UPK3B: variants seen among roughly 807,000 people sequenced by gnomAD.
UPK3B encodes the protein uroplakin-3b.
UPK3B carries 21 observed loss-of-function variants against 27.6 expected under a neutral mutation model. The ratio of observed to expected loss-of-function variants is 0.76; its 90% CI spans 0.54 to 1.10. UPK3B has a LOEUF of 1.10. Among genes scored for constraint, UPK3B ranks in the 50% least tolerant of loss-of-function variants. The pLI is 0.00. For synonymous variants in UPK3B, 141 were observed against 162.3 expected (o/e 0.87, Z 1.00); for missense variants, 306 against 376.1 (o/e 0.81, Z 1.54).
intron 1 of UPK3B, 77 bp from the exon 2 acceptor site, chr7:76,510,826 C>G (rs1347247676): frequency 3.7e-6 from 6 of 1,602,788 alleles, no homozygotes; most frequent in African/African-American, 1.3e-5. Flanking sequence ...CGCCCGCCCC[C>G]CTCCGATTGG....
In UPK3B at chr7:76,515,288, G is replaced by A. The variant is rs1344488671; in HGVS notation, c.*84G>A. On this transcript the variant is annotated 3_prime_UTR_variant, in exon 6 of 6. Coordinates refer to ENST00000334348, the MANE Select transcript of UPK3B (RefSeq NM_001347684.2). The stretch of plus-strand genomic sequence containing the variant: ...TTTGTCCCAGCTCCTGCACCCACAG[G>A]CCCCCTCAGGGCTCCTTGCCTTTCC... 1.3e-6 allele frequency: 2 copies of A among 1,540,524 alleles called. No homozygotes were observed. Among genetic ancestry groups the A allele is most frequent in the Non-Finnish European group, 1.8e-6 (2 of 1,141,402 alleles).
At chr7:76,514,283 G>A (rs1391377130) in intron 5 of UPK3B, among the ~76,000 whole-genome samples, 1 of 152,174 alleles carries the variant, frequency 6.6e-6, no homozygotes, top group African/African-American at 2.4e-5. Flanking sequence ...TAGGATTACA[G>A]GTGTGAGCCA....
chr7:76,514,893 C>T, intron 5 of UPK3B, 152 bp from the exon 6 acceptor site: 2 of 1,064,544 alleles, frequency 1.9e-6, no homozygotes, highest in South Asian at 1.7e-5. Context: ...GTGACAGAGC[C>T]AGACTCCATC....
Position 76,513,181 on chromosome 7 carries a change from G to C in UPK3B, c.541+18G>C. Reference sequence around the variant, plus strand: ...CCACCAAGGTAGCGCTGGGCAGGAGGGGCGCTGCCCCCAGTGGACTCACGA... The same window carrying C: ...CCACCAAGGTAGCGCTGGGCAGGAGCGGCGCTGCCCCCAGTGGACTCACGA... On this transcript the variant is annotated intron_variant, in intron 4 of 5. Coordinates refer to ENST00000334348, the MANE Select transcript of UPK3B (RefSeq NM_001347684.2). 1 of 1,609,322 alleles carries C rather than the reference G, an allele frequency of 6.2e-7. No homozygotes were observed. Among genetic ancestry groups the C allele is most frequent in the Non-Finnish European group, 8.5e-7 (1 of 1,176,458 alleles).
At chr7:76,514,208 G>A (rs1299172515) in intron 5 of UPK3B, 132 bp downstream of exon 5, 3 of 1,413,460 alleles carry the variant, frequency 2.1e-6, no homozygotes, top group Non-Finnish European at 2.9e-6. Context: ...GACTTGCTAT[G>A]TTGCCCAGGC....
At position 76,516,372 on chromosome 7, in the gene UPK3B, G is replaced by A. The variant is rs1812723186; in HGVS notation, c.*1168G>A. 2 of 612,316 alleles carry A rather than the reference G, an allele frequency of 3.3e-6. 1 individual carries two copies. The highest frequency in any genetic ancestry group is 3.8e-6 in the Non-Finnish European group (2 of 530,054). 37.9% of individuals were successfully genotyped at this position (612,316 alleles called of 1,614,324 possible). ...GACTTGCCCGCTGCACTCTGTCCACGGCCGCTGCACACGCCCCCTTGGGCT... is the reference window on the plus strand; with the variant it reads ...GACTTGCCCGCTGCACTCTGTCCACAGCCGCTGCACACGCCCCCTTGGGCT... On this transcript the variant is annotated 3_prime_UTR_variant, in exon 6 of 6. Transcript: ENST00000334348.
At position 76,510,590 on chromosome 7, in the gene UPK3B, G is replaced by A; in HGVS notation, c.-63G>A. The A allele has an allele frequency of 7.3e-7, 1 of 1,369,776 alleles. No individual in the cohort carries two copies. Among genetic ancestry groups the A allele is most frequent in the Admixed American group, 2.9e-5 (1 of 34,678 alleles). The allele number at this position is 1,369,776 out of a possible 1,614,324, so 84.9% of individuals were successfully genotyped here. On this transcript the variant is annotated 5_prime_UTR_variant, in exon 1 of 6. Transcript: ENST00000334348. ...AGCTTCTCCAGGGCCAAGCTGTTGG[G>A]GGTGAGGTGCAGCCCGAAGCAGCCA...
In UPK3B at chr7:76,511,803, G is replaced by A. The variant is rs1486254712; in HGVS notation, c.382G>A (p.Val128Met). 45 of 1,552,806 alleles carry A rather than the reference G, an allele frequency of 2.9e-5. No individual in the cohort carries two copies. Among genetic ancestry groups the A allele is most frequent in the South Asian group, 4.7e-5 (4 of 85,050 alleles). Reference sequence around the variant, plus strand: ...CATGGCGGGCAGCGGAGGCGCCCCCGTGCTGCGGGTGGGCCATGACCACGG... The same window carrying A: ...CATGGCGGGCAGCGGAGGCGCCCCCATGCTGCGGGTGGGCCATGACCACGG... ...DPMAGSGGAP[V>M]LRVGHDHGCH... The change falls in exon 3 of 6, where the codon GTG (valine) becomes ATG (methionine). Residue 128 changes from valine to methionine, a missense_variant. Transcript: ENST00000334348.
intron 4 of UPK3B, among the ~76,000 whole-genome samples, chr7:76,513,508 C>T (rs1812613373): frequency 6.6e-6 from 1 of 152,048 alleles, no homozygotes; most frequent in Non-Finnish European, 1.5e-5. Flanking sequence ...GGGAGGCAGC[C>T]AGCTTGAGTT....
Position 76,515,822 on chromosome 7 carries a change from C to A in UPK3B, c.*618C>A. 18 of 611,614 alleles carry A rather than the reference C, an allele frequency of 2.9e-5. 4 individuals carry two copies. Among genetic ancestry groups the A allele is most frequent in the Non-Finnish European group, 3.4e-5 (18 of 530,058 alleles). 37.9% of individuals were successfully genotyped at this position (611,614 alleles called of 1,614,324 possible). A position where few individuals can be genotyped will look rare whatever the true frequency, so the allele number is the denominator to read the frequency against. On this transcript the variant is annotated 3_prime_UTR_variant, in exon 6 of 6. Transcript: ENST00000334348. The stretch of plus-strand genomic sequence containing the variant: ...TGGATGGCTCTAGCCCTTATCCACC[C>A]CCTCAAGCATTTATTAAGCATCTGC...
Position 76,513,934 on chromosome 7 carries a change from G to A in UPK3B, c.542-13G>A. Reference sequence around the variant, plus strand: ...CGAGGGGCAGCCCCTCTGAGCAGCTGGTGTGTGTGCAGGGAAGACCCCCGG... The same window carrying A: ...CGAGGGGCAGCCCCTCTGAGCAGCTAGTGTGTGTGCAGGGAAGACCCCCGG... On this transcript the variant is annotated splice_polypyrimidine_tract_variant and intron_variant, in intron 4 of 5. Coordinates refer to ENST00000334348, the MANE Select transcript of UPK3B (RefSeq NM_001347684.2). 1 of 1,613,830 alleles carries A rather than the reference G, an allele frequency of 6.2e-7. No individual in the cohort carries two copies. The highest frequency in any genetic ancestry group is 1.1e-5 in the South Asian group (1 of 91,084).
At position 76,515,418 on chromosome 7, in the gene UPK3B, C is replaced by T; in HGVS notation, c.*214C>T. The T allele has an allele frequency of 6.7e-7, 1 of 1,502,102 alleles. No individual in the cohort carries two copies. Among genetic ancestry groups the T allele is most frequent in the East Asian group, 2.5e-5 (1 of 40,456 alleles). 93.0% of individuals were successfully genotyped at this position (1,502,102 alleles called of 1,614,324 possible). ...TCCCTCTCCAAGCATCTGTAAGTTG[C>T]ACTCAGGAGGGTTTAGGGGAGGGCC... On this transcript the variant is annotated 3_prime_UTR_variant, in exon 6 of 6. Coordinates refer to ENST00000334348, the MANE Select transcript of UPK3B (RefSeq NM_001347684.2).
Position 76,513,969 on chromosome 7 carries a change from C to G in UPK3B, c.564C>G (p.Asp188Glu). ...LHQGKTPGSI[D>E]TWPGRRSGSM... ...CAGGGAAGACCCCCGGATCCATCGA[C>G]ACCTGGCCAGGGCGGCGAAGTGGCA... Residue 188 changes from aspartate (D) to glutamate (E), a missense_variant, in exon 5 of 6, where the codon GAC becomes GAG. By Grantham distance (45) the Asp-to-Glu change is conservative. Around this residue, in one of 4 missense-constraint regions of UPK3B, gnomAD observed 174 missense variants for 166.6 expected, o/e 1.04. Transcript: ENST00000334348. The G allele has an allele frequency of 6.2e-7, 1 of 1,613,882 alleles. No individual in the cohort carries two copies. The highest frequency in any genetic ancestry group is 2.2e-5 in the East Asian group (1 of 44,842).
At position 76,513,979 on chromosome 7, in the gene UPK3B, G is replaced by C; in HGVS notation, c.574G>C (p.Gly192Arg). The change falls in exon 5 of 6, where the codon GGG (glycine) becomes CGG (arginine). Residue 192 changes from glycine to arginine, a missense_variant. Gly to Arg is a moderately radical substitution (Grantham distance 125, BLOSUM62 -2). Coordinates refer to ENST00000334348, the MANE Select transcript of UPK3B (RefSeq NM_001347684.2). ...CCCCGGATCCATCGACACCTGGCCA[G>C]GGCGGCGAAGTGGCAGCATGATCGT... ...KTPGSIDTWPGRRSGSMIVIT... is the reference protein window; with the variant it reads ...KTPGSIDTWPRRRSGSMIVIT... 6.2e-7 allele frequency: 1 copy of C among 1,613,958 alleles called. No homozygotes were observed. Among genetic ancestry groups the C allele is most frequent in the African/African-American group, 1.3e-5 (1 of 74,956 alleles).
At chr7:76,513,817 G>A in intron 4 of UPK3B, 130 bp from the exon 5 acceptor site, 1 of 1,393,804 alleles carries the variant, frequency 7.2e-7, no homozygotes, top group South Asian at 1.3e-5. Context: ...GGATCAGGGG[G>A]GCGCCTGGGG....
Position 76,515,369 on chromosome 7 carries a change from TCTC to T in UPK3B, c.*169_*171del. On this transcript the variant is annotated 3_prime_UTR_variant, in exon 6 of 6. Coordinates refer to ENST00000334348, the MANE Select transcript of UPK3B (RefSeq NM_001347684.2). The stretch of plus-strand genomic sequence containing the variant: ...GAATCCCAGCACCAGCCCCCCTGCC[TCTC>T]CTCTGCCTTTCTGGTTTCTCTCCCT... The T allele has an allele frequency of 6.7e-7, 1 of 1,495,042 alleles. No homozygotes were observed. The highest frequency in any genetic ancestry group is 8.9e-7 in the Non-Finnish European group (1 of 1,123,852). 92.6% of individuals were successfully genotyped at this position (1,495,042 alleles called of 1,614,324 possible). A position where few individuals can be genotyped will look rare whatever the true frequency, so the allele number is the denominator to read the frequency against.
Position 76,514,928 on chromosome 7 carries a change from A to AAG in UPK3B, c.672-103_672-102dup, listed in dbSNP as rs1295905557. On this transcript the variant is annotated intron_variant, in intron 5 of 5. Coordinates refer to ENST00000334348, the MANE Select transcript of UPK3B (RefSeq NM_001347684.2). Reference sequence around the variant, plus strand: ...CTCAAAAAAAAAAAAAAAAAAAGAAAAGAGAGAGAGAGAGACTACACATGA... The same window carrying AAG: ...CTCAAAAAAAAAAAAAAAAAAAGAAAAGAGAGAGAGAGAGAGACTACACATGA... The AAG allele has an allele frequency of 3.6e-4, 436 of 1,225,190 alleles. 1 individual carries two copies. Among genetic ancestry groups the AAG allele is most frequent in the South Asian group, 7.2e-4 (44 of 61,334 alleles). 75.9% of individuals were successfully genotyped at this position (1,225,190 alleles called of 1,614,324 possible). A position where few individuals can be genotyped will look rare whatever the true frequency, so the allele number is the denominator to read the frequency against.
intron 4 of UPK3B, 116 bp downstream of exon 4, chr7:76,513,279 C>A: frequency 3.0e-6 from 3 of 996,916 alleles, no homozygotes; most frequent in Non-Finnish European, 4.5e-6. Context: ...AGGCCATGTC[C>A]AAGTCGGGCC....
At position 76,510,606 on chromosome 7, in the gene UPK3B, G is replaced by C. The variant is rs1283843532; in HGVS notation, c.-47G>C. The C allele has an allele frequency of 7.1e-7, 1 of 1,412,818 alleles. No homozygotes were observed. Among genetic ancestry groups the C allele is most frequent in the Non-Finnish European group, 9.3e-7 (1 of 1,076,116 alleles). 87.5% of individuals were successfully genotyped at this position (1,412,818 alleles called of 1,614,324 possible). ...AGCTGTTGGGGGTGAGGTGCAGCCC[G>C]AAGCAGCCAGACCAGCCCCTGAGCC... On this transcript the variant is annotated 5_prime_UTR_variant, in exon 1 of 6. Transcript: ENST00000334348.
Sources: allele counts gnomAD v4.1 joint callset (sites outside exome capture counted in the v4.1 genomes callset), GRCh38; gene constraint gnomAD v4.1.1; regional missense constraint gnomAD v4.1.1; transcripts MANE v1.5; gene names NCBI Gene and HGNC (gene_info 2026-07-23, HGNC 2026-07-21).